The following DLG2 variants were observed in gnomAD, a reference collection of about 807,000 sequenced individuals.
DLG2 encodes the protein disks large homolog 2.
DLG2 carries 45 observed loss-of-function variants against 132.5 expected under a neutral mutation model. The observed-to-expected ratio is 0.34, with a 90% CI of 0.27 to 0.44. DLG2 has a LOEUF of 0.44. DLG2 is among the 20% of genes least tolerant of loss of function. The pLI, the probability that DLG2 is intolerant of heterozygous loss-of-function variation, is 1.00. For synonymous variants in DLG2, 424 were observed against 419.6 expected (o/e 1.01, Z -0.13); for missense variants, 1,045 against 1,196.9 (o/e 0.87, Z 1.87).
chr11:85,530,954 G>C (rs945984585), intron 3 of DLG2, among the ~76,000 whole-genome samples: 4 of 152,228 alleles, frequency 2.6e-5, no homozygotes, highest in Middle Eastern at 3.4e-3. Context: ...AGAGTTAGGG[G>C]ACCACTCAGA....
chr11:83,909,964 C>T (rs1596301355), intron 15 of DLG2, among the ~76,000 whole-genome samples: 1 of 152,132 alleles, frequency 6.6e-6, no homozygotes, highest in East Asian at 1.9e-4. Flanking sequence ...ACTGGAGATT[C>T]TAATTAAATT....
intron 18 of DLG2, among the ~76,000 whole-genome samples, chr11:83,747,153 C>T (rs925323971): frequency 6.6e-5 from 10 of 152,122 alleles, no homozygotes; most frequent in African/African-American, 2.4e-4. Flanking sequence ...GTATATCAAA[C>T]TCAAAATTAC....
At chr11:83,590,187 A>T (rs1276134789) in intron 19 of DLG2, among the ~76,000 whole-genome samples, 1 of 148,590 alleles carries the variant, frequency 6.7e-6, no homozygotes, top group Non-Finnish European at 1.5e-5. Flanking sequence ...CAGAATATAC[A>T]TTTTTTTCAG....
intron 5 of DLG2, among the ~76,000 whole-genome samples, chr11:85,137,406 A>C (rs930383381): frequency 6.6e-6 from 1 of 152,120 alleles, no homozygotes; most frequent in East Asian, 1.9e-4. Context: ...CCGTGACACA[A>C]AACCTAGGTG....
intron 4 of DLG2, among the ~76,000 whole-genome samples, chr11:85,202,269 A>AC (rs1554983967): frequency 6.6e-6 from 1 of 152,124 alleles, no homozygotes; most frequent in Non-Finnish European, 1.5e-5. Context: ...TTCTAATCAA[A>AC]TTGCAAAGGT....
intron 18 of DLG2, among the ~76,000 whole-genome samples, chr11:83,705,031 T>C (rs1464905455): frequency 6.6e-6 from 1 of 152,100 alleles, no homozygotes; most frequent in Non-Finnish European, 1.5e-5. Flanking sequence ...CTAAAATAAA[T>C]GTTGAAATTA....
chr11:84,603,691 C>A (rs1163134117), intron 6 of DLG2, among the ~76,000 whole-genome samples: 3 of 151,938 alleles, frequency 2.0e-5, no homozygotes, highest in Admixed American at 2.0e-4. Flanking sequence ...CAAGATCTAT[C>A]TTCTTAGTTC....
intron 6 of DLG2, among the ~76,000 whole-genome samples, chr11:84,993,748 G>A (rs774640201): frequency 1.3e-5 from 2 of 152,132 alleles, no homozygotes; most frequent in Non-Finnish European, 2.9e-5. Context: ...GAATAAATGC[G>A]AGCCTCACTA....
intron 3 of DLG2, among the ~76,000 whole-genome samples, chr11:85,538,477 A>AT (rs1163836360): frequency 1.3e-5 from 2 of 151,934 alleles, no homozygotes; most frequent in Non-Finnish European, 2.9e-5. Flanking sequence ...TGACCCAGCA[A>AT]TTGCATTACT....
At chr11:84,314,156 G>A (rs369705823) in intron 7 of DLG2, among the ~76,000 whole-genome samples, 12 of 152,160 alleles carry the variant, frequency 7.9e-5, no homozygotes, top group East Asian at 3.8e-4. Flanking sequence ...AAATATCTCC[G>A]AGGGCAAGAT....
chr11:83,981,658 A>G (rs1017602943), intron 11 of DLG2, among the ~76,000 whole-genome samples: 3 of 152,016 alleles, frequency 2.0e-5, no homozygotes, highest in African/African-American at 7.2e-5. Context: ...GCTGGTCTTG[A>G]ACTCCTGACC....
In DLG2 at chr11:85,116,546, T is replaced by C. The variant is rs563097584; in HGVS notation, c.283-4811A>G. ...TATACAGGTGTGTATTAAAAAATTATTCTGGCAAAATAAAGGTTTTCATTG... is the reference window on the plus strand; with the variant it reads ...TATACAGGTGTGTATTAAAAAATTACTCTGGCAAAATAAAGGTTTTCATTG... On this transcript the variant is annotated intron_variant, in intron 5 of 27. Coordinates refer to ENST00000376104, the MANE Select transcript of DLG2 (RefSeq NM_001142699.3). Among the ~76,000 whole-genome samples the C allele has an allele frequency of 3.9e-5, 6 of 152,122 alleles. No homozygotes were observed. In the East Asian group the frequency reaches 5.8e-4, roughly 15 times the overall value.
intron 6 of DLG2, chr11:84,955,369 G>A (rs1340906639): frequency 1.3e-5 from 2 of 152,184 alleles, no homozygotes; most frequent in Non-Finnish European, 2.9e-5. Flanking sequence ...GATAGATTAA[G>A]TAACTGGCCC....
intron 7 of DLG2, among the ~76,000 whole-genome samples, chr11:84,451,431 T>C (rs909895542): frequency 2.0e-5 from 3 of 151,902 alleles, no homozygotes; most frequent in East Asian, 1.9e-4. Context: ...TAATTCATTG[T>C]TTGCCCTTGG....
intron 18 of DLG2, among the ~76,000 whole-genome samples, chr11:83,666,014 A>T (rs79593373): frequency 5.7e-4 from 86 of 152,200 alleles, no homozygotes; most frequent in Non-Finnish European, 1.0e-3. Context: ...TTTTACAAAC[A>T]TGAATGTCAA....
At chr11:84,546,243 T>C (rs568712192) in intron 6 of DLG2, among the ~76,000 whole-genome samples, 36 of 152,222 alleles carry the variant, frequency 2.4e-4, no homozygotes, top group African/African-American at 8.7e-4. Context: ...CATGACAGAG[T>C]TCTCACGAGA....
intron 19 of DLG2, among the ~76,000 whole-genome samples, chr11:83,587,031 CTATGAA>C (rs2097097950): frequency 6.6e-6 from 1 of 152,156 alleles, no homozygotes; most frequent in South Asian, 2.1e-4. Context: ...AGTTATGTGG[CTATGAA>C]TAAGTTATAC....
chr11:84,011,045 TTGAGAA>T (rs1375529043), intron 11 of DLG2, among the ~76,000 whole-genome samples: 1 of 152,052 alleles, frequency 6.6e-6, no homozygotes, highest in African/African-American at 2.4e-5. Flanking sequence ...TTTATTTACT[TTGAGAA>T]GCATGAAAAA....
At chr11:84,793,099 G>C (rs970851417) in intron 6 of DLG2, among the ~76,000 whole-genome samples, 4 of 151,956 alleles carry the variant, frequency 2.6e-5, no homozygotes, top group Non-Finnish European at 5.9e-5. Context: ...CATAGGTTTT[G>C]GTATGTTGTG....
Sources: allele counts gnomAD v4.1 joint callset (sites outside exome capture counted in the v4.1 genomes callset), GRCh38; gene constraint gnomAD v4.1.1; transcripts MANE v1.5; gene names NCBI Gene and HGNC (gene_info 2026-07-23, HGNC 2026-07-21).